RPAP3: variants seen among roughly 807,000 people sequenced by gnomAD.
The protein encoded by RPAP3 is RNA polymerase II-associated protein 3.
A neutral mutation model predicts 88.8 loss-of-function variants in RPAP3; 58 were observed. The observed-to-expected ratio is 0.65, with a 90% CI of 0.53 to 0.81. RPAP3 has a LOEUF of 0.81. RPAP3 is among the 40% of genes least tolerant of loss of function. The probability of loss-of-function intolerance (pLI) is 0.00; values close to 1 mark genes in which losing one functional copy is unlikely to be tolerated. For missense variants in RPAP3, 751 were observed against 764.3 expected (o/e 0.98, Z 0.20); for synonymous variants, 255 against 259.9 (o/e 0.98, Z 0.18).
chr12:47,702,980 G>T, intron 1 of RPAP3, 134 bp from the exon 2 acceptor site: 1 of 450,356 alleles, frequency 2.2e-6, no homozygotes, highest in Non-Finnish European at 3.8e-6. Flanking sequence ...AACTGATGCT[G>T]AATAAAGAAA....
At chr12:47,671,446 T>C (rs999776830) in intron 12 of RPAP3, among the ~76,000 whole-genome samples, 5 of 152,208 alleles carry the variant, frequency 3.3e-5, no homozygotes, top group African/African-American at 7.2e-5. Context: ...TAAGCACTTC[T>C]TCTTCTGCAA....
chr12:47,700,936 G>A (rs1263527955), intron 3 of RPAP3, among the ~76,000 whole-genome samples: 1 of 152,196 alleles, frequency 6.6e-6, no homozygotes, highest in South Asian at 2.1e-4. Flanking sequence ...CTGTTTAGGG[G>A]TTAGAGAAGG....
intron 10 of RPAP3, among the ~76,000 whole-genome samples, chr12:47,681,294 T>C (rs973244233): frequency 3.9e-5 from 6 of 152,152 alleles, no homozygotes; most frequent in African/African-American, 1.4e-4. Flanking sequence ...ACTTTCAATA[T>C]AAATAAAGCC....
At chr12:47,668,840 G>A (rs888163600) in intron 14 of RPAP3, 76 bp downstream of exon 14, 26 of 1,098,854 alleles carry the variant, frequency 2.4e-5, no homozygotes, top group South Asian at 2.0e-4. Flanking sequence ...AAGCAAATAC[G>A]GCACCATTAT....
intron 15 of RPAP3, 90 bp from the exon 16 acceptor site, chr12:47,667,170 T>C (rs965924040): frequency 2.1e-6 from 1 of 482,294 alleles, no homozygotes; most frequent in Non-Finnish European, 3.5e-6. Context: ...CTTCTAATTA[T>C]ACATAAATGA....
intron 11 of RPAP3, 51 bp from the exon 12 acceptor site, chr12:47,679,645 A>C (rs751198250): frequency 6.6e-7 from 1 of 1,521,436 alleles, no homozygotes; most frequent in Admixed American, 1.7e-5. Flanking sequence ...TTATACAACA[A>C]ATAAATATAT....
intron 16 of RPAP3, chr12:47,664,557 A>C (rs1938828726): frequency 6.6e-6 from 1 of 152,232 alleles, no homozygotes; most frequent in Non-Finnish European, 1.5e-5. Flanking sequence ...GGCAATAATA[A>C]AATATAACAA....
Position 47,686,650 on chromosome 12 carries a change from T to A in RPAP3, c.992+130A>T, listed in dbSNP as rs530856899. The A allele has an allele frequency of 5.8e-4, 375 of 652,132 alleles. 2 individuals are homozygous for A. The Admixed American group carries it at 9.6e-3, about 17-fold the overall frequency. The allele number at this position is 652,132 out of a possible 1,614,324, so 40.4% of individuals were successfully genotyped here. ...TAAATTAAATTTTAACTTACTTAAA[T>A]TTACCATAAATTGGCATGTGAGCTA... On this transcript the variant is annotated intron_variant, in intron 9 of 16. Transcript: ENST00000005386.
intron 3 of RPAP3, among the ~76,000 whole-genome samples, chr12:47,698,832 T>C (rs1939588868): frequency 6.6e-6 from 1 of 152,182 alleles, no homozygotes; most frequent in South Asian, 2.1e-4. Flanking sequence ...TTAAAGCACA[T>C]TTAAATACAA....
chr12:47,684,395 C>T (rs1939283367), intron 9 of RPAP3, among the ~76,000 whole-genome samples: 1 of 152,186 alleles, frequency 6.6e-6, no homozygotes, highest in South Asian at 2.1e-4. Context: ...TAATTTGACA[C>T]AGTTTATAGA....
At chr12:47,691,287 T>C (rs1447915451) in intron 5 of RPAP3, among the ~76,000 whole-genome samples, 1 of 152,210 alleles carries the variant, frequency 6.6e-6, no homozygotes, top group Non-Finnish European at 1.5e-5. Flanking sequence ...AACCACTTTC[T>C]TTGCTCATCC....
intron 5 of RPAP3, among the ~76,000 whole-genome samples, chr12:47,695,436 A>G (rs1939506540): frequency 6.6e-6 from 1 of 152,164 alleles, no homozygotes; most frequent in East Asian, 1.9e-4. Flanking sequence ...TGACAAATAT[A>G]TAATTCAAGA....
chr12:47,667,197 G>T, intron 15 of RPAP3, 117 bp from the exon 16 acceptor site: 1 of 393,680 alleles, frequency 2.5e-6, no homozygotes, highest in South Asian at 7.1e-5. Flanking sequence ...TTTTTCCCCT[G>T]GATACCTGTA....
At chr12:47,703,596 G>A (rs1482960706) in intron 1 of RPAP3, among the ~76,000 whole-genome samples, 1 of 152,230 alleles carries the variant, frequency 6.6e-6, no homozygotes, top group Admixed American at 6.5e-5. Flanking sequence ...AGATAGTAGG[G>A]TGGTGGTGTC....
chr12:47,671,440 C>T (rs755779501), intron 12 of RPAP3, among the ~76,000 whole-genome samples: 2 of 152,140 alleles, frequency 1.3e-5, no homozygotes, highest in Non-Finnish European at 2.9e-5. Flanking sequence ...TAAATATAAG[C>T]ACTTCTTCTT....
At chr12:47,697,329 G>T (rs367945313) in intron 4 of RPAP3, among the ~76,000 whole-genome samples, 56 of 152,228 alleles carry the variant, frequency 3.7e-4, no homozygotes, top group African/African-American at 1.3e-3. Context: ...ATAAGAACCC[G>T]TTGAGGTTGG....
intron 9 of RPAP3, among the ~76,000 whole-genome samples, chr12:47,683,925 T>A (rs564228107): frequency 6.6e-6 from 1 of 152,244 alleles, no homozygotes; most frequent in Admixed American, 6.5e-5. Flanking sequence ...CAACCAAGAT[T>A]CTACCTTATT....
intron 5 of RPAP3, among the ~76,000 whole-genome samples, chr12:47,693,190 G>A (rs1365228619): frequency 6.6e-6 from 1 of 152,000 alleles, no homozygotes; most frequent in Non-Finnish European, 1.5e-5. Flanking sequence ...CTCACTGTAC[G>A]GTTATTAACT....
chr12:47,665,329 C>G (rs1044625314), intron 16 of RPAP3, among the ~76,000 whole-genome samples: 6 of 150,822 alleles, frequency 4.0e-5, no homozygotes, highest in African/African-American at 1.5e-4. Context: ...GTTGGCCAGC[C>G]TGGTCTTGAG....
Sources: gnomAD v4.1 joint callset for allele counts (sites outside exome capture counted in the v4.1 genomes callset) on GRCh38, gnomAD v4.1.1 for gene constraint, MANE v1.5 for transcripts, NCBI Gene and HGNC (gene_info 2026-07-23, HGNC 2026-07-21) for gene names.